SLIT3: variants seen among roughly 807,000 people sequenced by gnomAD.
The protein encoded by SLIT3 is slit homolog 3 protein.
Under a neutral mutation model 184.0 loss-of-function variants are expected in SLIT3, and 68 were observed. The observed-to-expected ratio is 0.37, with a 90% CI of 0.30 to 0.45. SLIT3 has a LOEUF of 0.45. Ranked by LOEUF, SLIT3 falls within the 20% of genes least tolerant of loss-of-function variation. The pLI is 1.00. For missense variants in SLIT3, 1,707 were observed against 2,026.0 expected, an observed-to-expected ratio of 0.84 and a Z score of 3.02; for synonymous variants, 831 against 828.6, an observed-to-expected ratio of 1.00 and a Z score of -0.05.
intron 4 of SLIT3, among the ~76,000 whole-genome samples, chr5:168,931,686 CT>C (rs1234075025): frequency 1.3e-5 from 2 of 152,214 alleles, no homozygotes; most frequent in African/African-American, 4.8e-5. Flanking sequence ...AGCCTCCCAG[CT>C]TTCATAGCTC....
At chr5:169,110,255 C>T (rs1222207101) in intron 4 of SLIT3, among the ~76,000 whole-genome samples, 2 of 152,198 alleles carry the variant, frequency 1.3e-5, no homozygotes, top group East Asian at 1.9e-4. Flanking sequence ...GCCAAAAATA[C>T]TTATCATCTG....
intron 14 of SLIT3, chr5:168,768,239 C>T: frequency 2.0e-6 from 1 of 512,772 alleles, no homozygotes; most frequent in East Asian, 5.6e-5. Context: ...CAAAGGAAAG[C>T]CCCGCAGCGA....
intron 4 of SLIT3, among the ~76,000 whole-genome samples, chr5:168,884,427 TCA>T (rs59573859): frequency 4.2e-5 from 6 of 144,254 alleles, no homozygotes; most frequent in African/African-American, 7.8e-5. Context: ...TCTCTCTCTC[TCA>T]CACACACACA....
At chr5:169,065,306 C>G (rs1340282050) in intron 4 of SLIT3, among the ~76,000 whole-genome samples, 3 of 152,204 alleles carry the variant, frequency 2.0e-5, no homozygotes, top group Non-Finnish European at 4.4e-5. Flanking sequence ...GTGTATCACA[C>G]AGCCTGCTAG....
Position 169,290,263 on chromosome 5 carries a change from A to G in SLIT3, c.197+10250T>C, listed in dbSNP as rs1233490937. Among the ~76,000 whole-genome samples the G allele has an allele frequency of 4.0e-5, 6 of 150,020 alleles. No homozygotes were observed. In the East Asian group the frequency reaches 1.2e-3, roughly 30 times the overall value. Reference sequence around the variant, plus strand: ...CATGCTAGGGCACATGCTGGGACACATATTAGGGCATATGCTAGGGCACAC... The same window carrying G: ...CATGCTAGGGCACATGCTGGGACACGTATTAGGGCATATGCTAGGGCACAC... On this transcript the variant is annotated intron_variant, in intron 1 of 35. Transcript: ENST00000519560.
intron 5 of SLIT3, among the ~76,000 whole-genome samples, chr5:168,856,904 T>C (rs1758899617): frequency 6.6e-6 from 1 of 151,440 alleles, no homozygotes; most frequent in Non-Finnish European, 1.5e-5. Flanking sequence ...GGAAGTGCCT[T>C]TGACCAGAAA....
intron 4 of SLIT3, among the ~76,000 whole-genome samples, chr5:169,167,224 A>G (rs997521528): frequency 3.3e-5 from 5 of 151,356 alleles, no homozygotes; most frequent in African/African-American, 4.9e-5. Context: ...ATATTGACCA[A>G]TATGAACTGA....
chr5:168,906,788 A>G lies in SLIT3; in HGVS notation c.414-23452T>C, dbSNP rs139417176. On this transcript the variant is annotated intron_variant, in intron 4 of 35. Transcript: ENST00000519560. Reference sequence around the variant, plus strand: ...GTGTTTGAAAGTTGAAATTCAGGGAATGATTGTATTTTTGAAGTGCCCTTT... The same window carrying G: ...GTGTTTGAAAGTTGAAATTCAGGGAGTGATTGTATTTTTGAAGTGCCCTTT... Among the ~76,000 whole-genome samples, 8 of 152,276 alleles carry G rather than the reference A, an allele frequency of 5.3e-5. No individual in the cohort carries two copies. The East Asian group carries it at 1.3e-3, about 26-fold the overall frequency.
At chr5:168,948,268 T>A (rs1762550439) in intron 4 of SLIT3, among the ~76,000 whole-genome samples, 1 of 152,010 alleles carries the variant, frequency 6.6e-6, no homozygotes, top group Non-Finnish European at 1.5e-5. Flanking sequence ...CTATTAATAG[T>A]CATGGCAACA....
chr5:168,869,357 A>G (rs1164539881), intron 5 of SLIT3, among the ~76,000 whole-genome samples: 1 of 152,134 alleles, frequency 6.6e-6, no homozygotes, highest in Non-Finnish European at 1.5e-5. Context: ...AAATCATTTC[A>G]CTTTTGTATG....
At chr5:169,131,476 T>A (rs574309562) in intron 4 of SLIT3, among the ~76,000 whole-genome samples, 1 of 152,330 alleles carries the variant, frequency 6.6e-6, no homozygotes, top group East Asian at 1.9e-4. Flanking sequence ...ATTAGCAGGG[T>A]CTTCTGAGAA....
chr5:168,839,308 C>T lies in SLIT3; in HGVS notation c.557+5276G>A, dbSNP rs116682241. On this transcript the variant is annotated intron_variant, in intron 6 of 35. Coordinates refer to ENST00000519560, the MANE Select transcript of SLIT3 (RefSeq NM_003062.4). ...GCCCAGCACTGTGCTGGCCACACAG[C>T]GTGTCTTTTCTTCTTGGATGGGTCA... Among the ~76,000 whole-genome samples the T allele has an allele frequency of 8.0e-3, 1,218 of 152,214 alleles. 26 individuals are homozygous for T. Among genetic ancestry groups the T allele is most frequent in the African/African-American group, 0.027 (1,118 of 41,526 alleles).
chr5:168,975,648 C>T (rs1754728742), intron 4 of SLIT3, among the ~76,000 whole-genome samples: 1 of 152,158 alleles, frequency 6.6e-6, no homozygotes, highest in Non-Finnish European at 1.5e-5. Flanking sequence ...TTTTAAGCAT[C>T]TTTGTTCTAA....
intron 11 of SLIT3, among the ~76,000 whole-genome samples, chr5:168,789,259 AG>A (rs997008129): frequency 8.8e-4 from 1 of 1,136 alleles, no homozygotes; most frequent in African/African-American, 3.5e-3. Context: ...GTGGGGTGGG[AG>A]GGGGACGTGG....
chr5:168,748,565 G>T (rs41283177), intron 19 of SLIT3, 131 bp from the exon 20 acceptor site: 53,425 of 866,850 alleles, frequency 0.062, 1,820 homozygotes, highest in African/African-American at 0.085. Context: ...GAACCAGGAA[G>T]AGGGTACCCG....
At chr5:168,943,228 G>C (rs114573796) in intron 4 of SLIT3, among the ~76,000 whole-genome samples, 1,751 of 152,274 alleles carry the variant, frequency 0.011, 32 homozygotes, top group African/African-American at 0.04. Flanking sequence ...ACCAGAAGAA[G>C]GGTTTGGGAT....
intron 4 of SLIT3, among the ~76,000 whole-genome samples, chr5:169,050,675 G>A (rs938238316): frequency 6.6e-6 from 1 of 151,598 alleles, no homozygotes; most frequent in Non-Finnish European, 1.5e-5. Context: ...TGGATACTAC[G>A]CAGCCTATAA....
At chr5:168,755,055 A>C (rs1754845232) in intron 16 of SLIT3, among the ~76,000 whole-genome samples, 1 of 152,210 alleles carries the variant, frequency 6.6e-6, no homozygotes, top group South Asian at 2.1e-4. Flanking sequence ...ACCACTTCTT[A>C]TGTGCTAGGC....
At chr5:169,251,169 A>G (rs998947398) in intron 2 of SLIT3, among the ~76,000 whole-genome samples, 1 of 152,204 alleles carries the variant, frequency 6.6e-6, no homozygotes, top group Non-Finnish European at 1.5e-5. Flanking sequence ...TATCACTGGA[A>G]CTAAGTTCTT....
Sources: gnomAD v4.1 joint callset for allele counts (sites outside exome capture counted in the v4.1 genomes callset) on GRCh38, gnomAD v4.1.1 for gene constraint, MANE v1.5 for transcripts, NCBI Gene and HGNC (gene_info 2026-07-23, HGNC 2026-07-21) for gene names.